Variants in KCNS3 observed in about 807,000 individuals in gnomAD.
KCNS3 encodes the protein delayed-rectifier potassium channel regulatory subunit KCNS3.
In KCNS3, 13 loss-of-function variants were observed where a neutral mutation model predicts 31.0. The observed-to-expected ratio is 0.42, with a 90% CI of 0.27 to 0.67. The LOEUF is 0.67. Ranked by LOEUF, KCNS3 falls within the 30% of genes least tolerant of loss-of-function variation. The pLI is 0.25. For missense variants in KCNS3, 545 were observed against 622.4 expected, an observed-to-expected ratio of 0.88 and a Z score of 1.32; for synonymous variants, 238 against 241.5, an observed-to-expected ratio of 0.99 and a Z score of 0.13.
At chr2:17,916,494 T>G (rs1217026333) in intron 1 of KCNS3, among the ~76,000 whole-genome samples, 2 of 152,182 alleles carry the variant, frequency 1.3e-5, no homozygotes, top group African/African-American at 4.8e-5. Flanking sequence ...TAAGTTCAGT[T>G]TGGGTGGAGC....
rs1362755388 is a variant in KCNS3 at position 17,931,200 on chromosome 2, T to C, written c.192T>C (p.Asp64=). ...LELCDDYSVA[D]KEYYFDRNPS... ...TGTGTGATGATTACAGTGTGGCCGA[T>C]AAGGAGTACTACTTTGATCGGAATC... Residue 64 remains aspartate, a synonymous_variant, in exon 3 of 3, where the codon GAT becomes GAC. Coordinates refer to ENST00000304101, the MANE Select transcript of KCNS3 (RefSeq NM_002252.5). The surrounding 1 kb of genome is among the most constrained non-coding windows in gnomAD (Gnocchi z 5.4). The C allele has an allele frequency of 1.2e-6, 2 of 1,614,106 alleles. No homozygotes were observed. The highest frequency in any genetic ancestry group is 1.7e-6 in the Non-Finnish European group (2 of 1,180,004).
intron 2 of KCNS3, among the ~76,000 whole-genome samples, chr2:17,930,094 C>G (rs886316445): frequency 2.0e-5 from 3 of 152,178 alleles, no homozygotes; most frequent in Non-Finnish European, 4.4e-5. Context: ...GAACTAAAAA[C>G]AGGCCACGTG....
chr2:17,882,468 C>T (rs1218525253), intron 1 of KCNS3, among the ~76,000 whole-genome samples: 3 of 152,204 alleles, frequency 2.0e-5, no homozygotes, highest in African/African-American at 7.2e-5. Context: ...AGTCCAGCAT[C>T]TTTCTGCCTC....
At chr2:17,904,279 A>G (rs991835062) in intron 1 of KCNS3, among the ~76,000 whole-genome samples, 19 of 151,302 alleles carry the variant, frequency 1.3e-4, no homozygotes, top group African/African-American at 4.6e-4. Context: ...GTCTGTTCAT[A>G]TCCTTCGCCC....
chr2:17,927,993 G>C (rs1043587906), intron 2 of KCNS3, among the ~76,000 whole-genome samples: 2 of 152,134 alleles, frequency 1.3e-5, no homozygotes, highest in East Asian at 1.9e-4. Flanking sequence ...CAACAACCTT[G>C]AGTACATGTT....
At chr2:17,921,357 G>A (rs1277072742) in intron 2 of KCNS3, among the ~76,000 whole-genome samples, 2 of 152,144 alleles carry the variant, frequency 1.3e-5, no homozygotes, top group East Asian at 3.9e-4. Flanking sequence ...AATCCCCAAT[G>A]TTGTGTAATT....
At chr2:17,887,403 T>G (rs1661689382) in intron 1 of KCNS3, among the ~76,000 whole-genome samples, 1 of 152,190 alleles carries the variant, frequency 6.6e-6, no homozygotes, top group South Asian at 2.1e-4. Context: ...TCACTTAGAA[T>G]GATAGTCTCC....
At chr2:17,888,631 A>ATATCTC (rs199928504) in intron 1 of KCNS3, among the ~76,000 whole-genome samples, 1 of 30,448 alleles carries the variant, frequency 3.3e-5, no homozygotes, top group African/African-American at 1.4e-4. Context: ...AAAAAAATGT[A>ATATCTC]TATATATATA....
chr2:17,920,458 C>T (rs528855731), intron 2 of KCNS3, among the ~76,000 whole-genome samples: 43 of 152,190 alleles, frequency 2.8e-4, no homozygotes, highest in African/African-American at 9.6e-4. Flanking sequence ...CAAGAGGAGG[C>T]GAATAAAAGG....
At chr2:17,881,028 A>G (rs1340901719) in intron 1 of KCNS3, among the ~76,000 whole-genome samples, 1 of 152,184 alleles carries the variant, frequency 6.6e-6, no homozygotes, top group Non-Finnish European at 1.5e-5. Context: ...GCTGCATACT[A>G]TATATCAGAT....
chr2:17,928,391 C>T (rs1427142184), intron 2 of KCNS3, among the ~76,000 whole-genome samples: 1 of 152,100 alleles, frequency 6.6e-6, no homozygotes, highest in Non-Finnish European at 1.5e-5. Flanking sequence ...CTCAGCCTCT[C>T]GAGTAGCTGA....
chr2:17,900,635 G>T (rs570025417), intron 1 of KCNS3, among the ~76,000 whole-genome samples: 2 of 151,996 alleles, frequency 1.3e-5, no homozygotes, highest in African/African-American at 2.4e-5. Context: ...GACTACAGGC[G>T]TGTGCCACCA....
chr2:17,924,012 T>C (rs1662779509), intron 2 of KCNS3, among the ~76,000 whole-genome samples: 1 of 152,034 alleles, frequency 6.6e-6, no homozygotes, highest in South Asian at 2.1e-4. Context: ...TGTCTTTCTA[T>C]TCATTTATTT....
At chr2:17,894,229 C>A (rs1424460946) in intron 1 of KCNS3, among the ~76,000 whole-genome samples, 1 of 151,912 alleles carries the variant, frequency 6.6e-6, no homozygotes, top group African/African-American at 2.4e-5. Context: ...AGATATAAGC[C>A]CTAATGAGTG....
chr2:17,929,619 T>C (rs1662911517), intron 2 of KCNS3, among the ~76,000 whole-genome samples: 1 of 152,192 alleles, frequency 6.6e-6, no homozygotes, highest in Non-Finnish European at 1.5e-5. Context: ...CACTTGAACC[T>C]TTGAGCTGCA....
intron 1 of KCNS3, among the ~76,000 whole-genome samples, chr2:17,909,957 T>C (rs1163800331): frequency 6.6e-6 from 1 of 152,202 alleles, no homozygotes; most frequent in Non-Finnish European, 1.5e-5. Context: ...GTGATGCACA[T>C]TTTAACAGGA....
intron 1 of KCNS3, among the ~76,000 whole-genome samples, chr2:17,883,922 A>C (rs531129740): frequency 4.4e-4 from 67 of 152,264 alleles, no homozygotes; most frequent in Non-Finnish European, 8.1e-4. Flanking sequence ...AATACTATGC[A>C]GCCATAAAAA....
chr2:17,904,383 C>G (rs934424806), intron 1 of KCNS3, among the ~76,000 whole-genome samples: 2 of 152,136 alleles, frequency 1.3e-5, no homozygotes, highest in Non-Finnish European at 2.9e-5. Flanking sequence ...GAGTAGATTG[C>G]AAAAATGTTC....
intron 2 of KCNS3, among the ~76,000 whole-genome samples, chr2:17,928,205 G>T (rs536996084): frequency 6.6e-6 from 1 of 152,212 alleles, no homozygotes; most frequent in Admixed American, 6.5e-5. Context: ...GGTCAATAGT[G>T]GTATTGTTCT....
Sources: gnomAD v4.1 joint callset for allele counts (sites outside exome capture counted in the v4.1 genomes callset) on GRCh38, gnomAD v4.1.1 for gene constraint, Gnocchi (gnomAD v3.1) non-coding constraint, MANE v1.5 for transcripts, NCBI Gene and HGNC (gene_info 2026-07-23, HGNC 2026-07-21) for gene names.